TSPAN15: variants seen among roughly 807,000 people sequenced by gnomAD.
TSPAN15 encodes the protein tetraspanin 15.
In TSPAN15, 20 loss-of-function variants were observed where a neutral mutation model predicts 34.5. The ratio of observed to expected loss-of-function variants is 0.58; its 90% confidence interval spans 0.41 to 0.84. TSPAN15 has a LOEUF of 0.84. Among genes scored for constraint, TSPAN15 ranks in the 40% least tolerant of loss-of-function variants. The pLI is 0.00. For synonymous variants in TSPAN15, 155 were observed against 153.9 expected, an observed-to-expected ratio of 1.01 and a Z score of -0.05; for missense variants, 313 against 386.1, an observed-to-expected ratio of 0.81 and a Z score of 1.59.
At position 69,507,375 on chromosome 10, in the gene TSPAN15, G is replaced by A; in HGVS notation, c.*397G>A. 1 of 1,218,122 alleles carries A rather than the reference G, an allele frequency of 8.2e-7. No homozygotes were observed. 75.5% of individuals were successfully genotyped at this position (1,218,122 alleles called of 1,614,324 possible). A position where few individuals can be genotyped will look rare whatever the true frequency, so the allele number is the denominator to read the frequency against. On this transcript the variant is annotated 3_prime_UTR_variant, in exon 8 of 8. Coordinates refer to ENST00000373290, the MANE Select transcript of TSPAN15 (RefSeq NM_012339.5). ...GGGGAGAGGGAGTGTGCCCCTCGGGGCAGGAGGGAAGGGCATCTGGGGAAG... is the reference window on the plus strand; with the variant it reads ...GGGGAGAGGGAGTGTGCCCCTCGGGACAGGAGGGAAGGGCATCTGGGGAAG...
chr10:69,500,345 A>T (rs913673639), intron 5 of TSPAN15, among the ~76,000 whole-genome samples: 2 of 152,210 alleles, frequency 1.3e-5, no homozygotes, highest in East Asian at 1.9e-4. Flanking sequence ...CAGGCATTGC[A>T]TGAGTCCAGT....
chr10:69,452,259 G>T (rs1840989150), intron 1 of TSPAN15, among the ~76,000 whole-genome samples: 1 of 152,210 alleles, frequency 6.6e-6, no homozygotes, highest in African/African-American at 2.4e-5. Context: ...CTCAGTTTCC[G>T]CTGTCGCTGG....
At chr10:69,491,672 A>G (rs1384612936) in intron 3 of TSPAN15, among the ~76,000 whole-genome samples, 1 of 152,062 alleles carries the variant, frequency 6.6e-6, no homozygotes, top group Non-Finnish European at 1.5e-5. Context: ...TTCTCCTCCA[A>G]GTTTGAGAGC....
Position 69,483,891 on chromosome 10 carries a change from C to A in TSPAN15, c.282+15C>A. 6.2e-7 allele frequency: 1 copy of A among 1,608,730 alleles called. No individual in the cohort carries two copies. On this transcript the variant is annotated intron_variant, in intron 2 of 7. Transcript: ENST00000373290. ...TTCTCCAAGCAGTGAGTGGACCACA[C>A]CACCCCTCAGCCGGGACTCCCCAGG... is the stretch of plus-strand genomic sequence containing the variant.
the TSPAN15 span, among the ~76,000 whole-genome samples, chr10:69,531,740 G>A: frequency 6.6e-6 from 1 of 151,974 alleles, no homozygotes; most frequent in Non-Finnish European, 1.5e-5. Flanking sequence ...CACATAAACA[G>A]AATTAAAAAC....
intron 1 of TSPAN15, among the ~76,000 whole-genome samples, chr10:69,458,963 G>A (rs10762296): frequency 0.4 from 60,596 of 151,878 alleles, 12,597 homozygotes; most frequent in Non-Finnish European, 0.45. Context: ...GTGACTCACA[G>A]TGCCACCCTG....
At chr10:69,456,679 G>C (rs1685606687) in intron 1 of TSPAN15, among the ~76,000 whole-genome samples, 1 of 152,140 alleles carries the variant, frequency 6.6e-6, no homozygotes, top group South Asian at 2.1e-4. Flanking sequence ...TACCCTCTCT[G>C]TTCAAAAGGT....
At chr10:69,487,869 G>A (rs28529321) in intron 3 of TSPAN15, among the ~76,000 whole-genome samples, 5,092 of 152,306 alleles carry the variant, frequency 0.033, 281 homozygotes, top group African/African-American at 0.12. Flanking sequence ...GCTGTAGTCC[G>A]TGAAGGGTGC....
Sources: allele counts gnomAD v4.1 joint callset (sites outside exome capture counted in the v4.1 genomes callset), GRCh38; gene constraint gnomAD v4.1.1; transcripts MANE v1.5; gene names NCBI Gene and HGNC (gene_info 2026-07-23, HGNC 2026-07-21).